Variants in POLR1A observed in about 807,000 individuals in gnomAD.
POLR1A encodes RNA polymerase I subunit A.
In POLR1A, 84 loss-of-function variants were observed where a neutral mutation model predicts 205.3. The observed-to-expected ratio is 0.41, with a 90% CI of 0.34 to 0.49. The LOEUF is 0.49. Ranked by LOEUF, POLR1A falls within the 20% of genes least tolerant of loss-of-function variation. POLR1A has a pLI of 0.22. For synonymous variants in POLR1A, 799 were observed against 863.7 expected (o/e 0.93, Z 1.31); for missense variants, 1,645 against 2,204.5 (o/e 0.75, Z 5.08).
In POLR1A at chr2:86,020,416, T is replaced by C. The variant is rs1033320817; in HGVS notation, c.*7007A>G. On this transcript the variant is annotated 3_prime_UTR_variant, in exon 34 of 34. Coordinates refer to ENST00000263857, the MANE Select transcript of POLR1A (RefSeq NM_015425.6). ...TTAAAAAATTAGCTGGGCATGGTGT[T>C]GTGTGCCTGTAGTCCCAGTTACTTG... The C allele has an allele frequency of 6.6e-6, 1 of 151,892 alleles. No individual in the cohort carries two copies. The highest frequency in any genetic ancestry group is 2.4e-5 in the African/African-American group (1 of 41,326). 9.4% of individuals were successfully genotyped at this position (151,892 alleles called of 1,614,324 possible). A position where few individuals can be genotyped will look rare whatever the true frequency, so the allele number is the denominator to read the frequency against.
intron 11 of POLR1A, among the ~76,000 whole-genome samples, chr2:86,077,347 A>G (rs1673305318): frequency 6.6e-6 from 1 of 152,146 alleles, no homozygotes; most frequent in South Asian, 2.1e-4. Flanking sequence ...CTGAGAAGCG[A>G]AACAGGACCT....
intron 27 of POLR1A, among the ~76,000 whole-genome samples, chr2:86,034,886 G>C (rs12328085): frequency 0.022 from 3,322 of 151,516 alleles, 80 homozygotes; most frequent in East Asian, 0.088. Flanking sequence ...TCCCCCCACC[G>C]TCCCGAGATG....
At chr2:86,039,033 G>A in intron 26 of POLR1A, 176 bp from the exon 27 acceptor site, 1 of 656,816 alleles carries the variant, frequency 1.5e-6, no homozygotes, top group South Asian at 2.0e-5. Flanking sequence ...CCCACAGCCT[G>A]CAGTCACCTC....
chr2:86,096,107 G>T (rs1328260837), intron 3 of POLR1A, among the ~76,000 whole-genome samples: 1 of 151,684 alleles, frequency 6.6e-6, no homozygotes, highest in East Asian at 1.9e-4. Flanking sequence ...TAAAGTTGCA[G>T]GATAAAAAAA....
In POLR1A at chr2:86,088,821, T is replaced by C; in HGVS notation, c.590A>G (p.Lys197Arg). The C allele has an allele frequency of 1.2e-6, 2 of 1,614,094 alleles. No individual in the cohort carries two copies. The highest frequency in any genetic ancestry group is 1.7e-6 in the Non-Finnish European group (2 of 1,179,970). ...SKSKLIALFW[K>R]AHMNAKRCPH... ...ACAGCGCTTAGCATTCATATGTGCC[T>C]TCCAGAAGAGAGCAATGAGCTTGCT... Residue 197 changes from lysine (K) to arginine (R), a missense_variant, in exon 5 of 34, where the codon AAG (lysine) becomes AGG (arginine). This residue lies in a region of POLR1A where 330 missense variants were observed against 375.6 expected (regional missense o/e 0.88). Coordinates refer to ENST00000263857, the MANE Select transcript of POLR1A (RefSeq NM_015425.6).
At position 86,025,091 on chromosome 2, in the gene POLR1A, T is replaced by C. The variant is rs1488998771; in HGVS notation, c.*2332A>G. 1 of 152,200 alleles carries C rather than the reference T, an allele frequency of 6.6e-6. No individual in the cohort carries two copies. The highest frequency in any genetic ancestry group is 2.4e-5 in the African/African-American group (1 of 41,442). The allele number at this position is 152,200 out of a possible 1,614,324, so 9.4% of individuals were successfully genotyped here. A position where few individuals can be genotyped will look rare whatever the true frequency, so the allele number is the denominator to read the frequency against. ...GATGGAGGTTGCAGTGGAGCCGAGA[T>C]TGCGCCATTGCACTCAGCCTGGGTA... On this transcript the variant is annotated 3_prime_UTR_variant, in exon 34 of 34. Transcript: ENST00000263857.
At chr2:86,057,146 T>G (rs1197446994) in intron 14 of POLR1A, among the ~76,000 whole-genome samples, 2 of 152,214 alleles carry the variant, frequency 1.3e-5, no homozygotes, top group African/African-American at 2.4e-5. Flanking sequence ...AATTTGTGAT[T>G]CATGGGAGGA....
chr2:86,086,600 T>C (rs1673508824), intron 6 of POLR1A, among the ~76,000 whole-genome samples: 1 of 152,320 alleles, frequency 6.6e-6, no homozygotes, highest in South Asian at 2.1e-4. Context: ...ACCCAACAAA[T>C]AAATGTGTGC....
rs745602873 is a variant in POLR1A, at chr2:86,028,598, C to T, written c.4893G>A (p.Val1631=). 2.0e-5 allele frequency: 33 copies of T among 1,611,976 alleles called. No individual in the cohort carries two copies. The highest frequency in any genetic ancestry group is 2.5e-5 in the Non-Finnish European group (30 of 1,178,098). Residue 1631 remains valine (V), a synonymous_variant, in exon 32 of 34, where the codon GTG becomes GTA. Transcript: ENST00000263857. This position sits in a 1 kb window ranked among gnomAD's most constrained non-coding sequence, Gnocchi z 4.5. ...IEKEIKDVFA[V]YGIAVDPRHL... ...TTATCTGCAAGCTCCCCTTACCATA[C>T]ACGGCAAACACATCCTTGATCTCCT...
intron 13 of POLR1A, among the ~76,000 whole-genome samples, chr2:86,066,570 G>A (rs544797141): frequency 2.6e-5 from 4 of 152,118 alleles, no homozygotes; most frequent in Non-Finnish European, 5.9e-5. Context: ...CTGTGCCTTG[G>A]ATATAAAGAT....
rs1161274433 is a variant in POLR1A, at chr2:86,070,625, T to G, written c.1612-353A>C. Among the ~76,000 whole-genome samples the G allele has an allele frequency of 6.6e-6, 1 of 151,970 alleles. No homozygotes were observed. Among genetic ancestry groups the G allele is most frequent in the Admixed American group, 6.6e-5 (1 of 15,260 alleles). ...AAGAAATGGATACAACTCCTGAAGA[T>G]ATAACCATAACAAAATGAAGACATA... On this transcript the variant is annotated intron_variant, in intron 12 of 33. Coordinates refer to ENST00000263857, the MANE Select transcript of POLR1A (RefSeq NM_015425.6). The surrounding 1 kb of genome is among the most constrained non-coding windows in gnomAD (Gnocchi z 4.4).
chr2:86,072,963 A>C (rs949947786), intron 12 of POLR1A, among the ~76,000 whole-genome samples: 3 of 152,206 alleles, frequency 2.0e-5, no homozygotes, highest in African/African-American at 7.2e-5. Context: ...CTGTAATCCC[A>C]GAACTTCGGG....
rs752272027 is a variant in POLR1A, at chr2:86,078,180, G to A, written c.1191C>T (p.His397=). Residue 397 remains histidine (H), a synonymous_variant, in exon 10 of 34, where the codon CAC becomes CAT. Coordinates refer to ENST00000263857, the MANE Select transcript of POLR1A (RefSeq NM_015425.6). ...TCTCGCTATCAAACACAATATTGAC[G>A]TGGCTCTGAAGGCGAATCCAAATGT... The part of the protein sequence containing the change: ...LYNIWIRLQS[H]VNIVFDSEMD... 1.4e-5 allele frequency: 23 copies of A among 1,613,416 alleles called. No individual in the cohort carries two copies. Among genetic ancestry groups the A allele is most frequent in the African/African-American group, 6.7e-5 (5 of 74,954 alleles).
At chr2:86,046,273 T>TA (rs1358908510) in intron 19 of POLR1A, among the ~76,000 whole-genome samples, 1 of 151,868 alleles carries the variant, frequency 6.6e-6, no homozygotes, top group Non-Finnish European at 1.5e-5. Flanking sequence ...TATTTTCAAT[T>TA]AAAAACAAAA....
intron 1 of POLR1A, among the ~76,000 whole-genome samples, chr2:86,103,103 A>C (rs1024985004): frequency 2.0e-5 from 3 of 152,224 alleles, no homozygotes; most frequent in Non-Finnish European, 4.4e-5. Flanking sequence ...GGGAACAGAC[A>C]CAAAATGTAT....
chr2:86,090,704 C>T (rs540390600), intron 3 of POLR1A, among the ~76,000 whole-genome samples: 5 of 152,284 alleles, frequency 3.3e-5, no homozygotes, highest in African/African-American at 9.6e-5. Context: ...TCCCCAGGAG[C>T]CCTGGCCTTG....
At chr2:86,100,732 G>A (rs1320661922) in intron 1 of POLR1A, among the ~76,000 whole-genome samples, 2 of 151,954 alleles carry the variant, frequency 1.3e-5, no homozygotes, top group Non-Finnish European at 2.9e-5. Flanking sequence ...GTAGAGACAG[G>A]ATTTAGCCAT....
chr2:86,099,787 A>T (rs1357464154), intron 2 of POLR1A, among the ~76,000 whole-genome samples, 181 bp downstream of exon 2: 1 of 152,230 alleles, frequency 6.6e-6, no homozygotes, highest in Non-Finnish European at 1.5e-5. Flanking sequence ...TCATTTATTT[A>T]GGGCCACAGG....
chr2:86,038,526 G>A (rs1672539093), intron 27 of POLR1A, among the ~76,000 whole-genome samples, 174 bp downstream of exon 27: 1 of 152,216 alleles, frequency 6.6e-6, no homozygotes. Context: ...CCAGACTGTG[G>A]TCAGGTTTCC....
Sources: allele counts gnomAD v4.1 joint callset (sites outside exome capture counted in the v4.1 genomes callset), GRCh38; gene constraint gnomAD v4.1.1; regional missense constraint gnomAD v4.1.1; non-coding constraint Gnocchi (gnomAD v3.1); transcripts MANE v1.5; gene names NCBI Gene and HGNC (gene_info 2026-07-23, HGNC 2026-07-21).